HACD1: variants seen among roughly 807,000 people sequenced by gnomAD.
The protein encoded by HACD1 is 3-hydroxyacyl-CoA dehydratase 1.
Under a neutral mutation model 32.0 loss-of-function variants are expected in HACD1, and 41 were observed. The observed-to-expected ratio is 1.28, with a 90% CI of 1.00 to 1.66. The LOEUF is 1.66. Ranked by LOEUF, HACD1 falls within the 40% of genes most tolerant of loss-of-function variation. The pLI is 0.00. For missense variants in HACD1, 396 were observed against 380.1 expected (o/e 1.04, Z -0.35); for synonymous variants, 142 against 139.0 (o/e 1.02, Z -0.15).
intron 5 of HACD1, among the ~76,000 whole-genome samples, chr10:17,596,202 G>A (rs1463591875): frequency 6.6e-6 from 1 of 152,148 alleles, no homozygotes; most frequent in Non-Finnish European, 1.5e-5. Context: ...AAGGATATGC[G>A]AAGATAAGAG....
At chr10:17,598,847 A>C (rs1041948824) in intron 5 of HACD1, among the ~76,000 whole-genome samples, 10 of 152,240 alleles carry the variant, frequency 6.6e-5, no homozygotes, top group Non-Finnish European at 1.5e-5. Flanking sequence ...GACTTTTAAA[A>C]ATGTCTCTGC....
At chr10:17,602,149 A>T (rs1450914026) in intron 4 of HACD1, among the ~76,000 whole-genome samples, 1 of 148,390 alleles carries the variant, frequency 6.7e-6, no homozygotes, top group Non-Finnish European at 1.5e-5. Flanking sequence ...AGCTCACTGC[A>T]CCCTCCACCT....
intron 1 of HACD1, among the ~76,000 whole-genome samples, chr10:17,609,400 G>C (rs910049240): frequency 2.0e-5 from 3 of 151,946 alleles, no homozygotes; most frequent in Non-Finnish European, 4.4e-5. Context: ...TGATCCACTC[G>C]CCTCGCCCTC....
At chr10:17,593,832 A>C (rs906825845) in intron 6 of HACD1, among the ~76,000 whole-genome samples, 3 of 152,236 alleles carry the variant, frequency 2.0e-5, no homozygotes, top group Non-Finnish European at 4.4e-5. Flanking sequence ...AAATGATCTG[A>C]AATTTTCTTG....
chr10:17,596,090 AT>A (rs1406113444), intron 5 of HACD1, among the ~76,000 whole-genome samples: 2 of 152,232 alleles, frequency 1.3e-5, no homozygotes, highest in African/African-American at 4.8e-5. Flanking sequence ...ATTTTATTTA[AT>A]CATTTTGTTG....
intron 6 of HACD1, among the ~76,000 whole-genome samples, chr10:17,591,707 C>T (rs1833930012): frequency 6.6e-6 from 1 of 152,168 alleles, no homozygotes; most frequent in Non-Finnish European, 1.5e-5. Context: ...ATATGATGAT[C>T]AGAATAATCA....
intron 5 of HACD1, among the ~76,000 whole-genome samples, chr10:17,594,946 C>T (rs1267379277): frequency 2.0e-5 from 3 of 151,918 alleles, no homozygotes; most frequent in African/African-American, 7.3e-5. Context: ...GCAACCTCCA[C>T]CTCCCGGGTT....
intron 1 of HACD1, among the ~76,000 whole-genome samples, chr10:17,608,357 A>G (rs1286269890): frequency 3.9e-5 from 6 of 152,074 alleles, no homozygotes; most frequent in African/African-American, 1.4e-4. Flanking sequence ...GCTAGCAGTT[A>G]CTGATGATCA....
chr10:17,617,252 A>G lies in HACD1; in HGVS notation c.88T>C (p.Ser30Pro). ...AGSPPTLLPL[S>P]PTSPRCAATM... ...GCCGCGCACCTGGGGGACGTGGGAG[A>G]CAGCGGCAGGAGCGTGGGAGGGGAC... Residue 30 changes from serine (S) to proline (P), a missense_variant, in exon 1 of 7, where the codon TCT becomes CCT. By Grantham distance (74) the Ser-to-Pro change is moderately conservative (BLOSUM62 -1). Coordinates refer to ENST00000361271, the MANE Select transcript of HACD1 (RefSeq NM_014241.4). 6.8e-7 allele frequency: 1 copy of G among 1,479,364 alleles called. No homozygotes were observed. Among genetic ancestry groups the G allele is most frequent in the Non-Finnish European group, 8.9e-7 (1 of 1,120,618 alleles). 91.6% of individuals were successfully genotyped at this position (1,479,364 alleles called of 1,614,324 possible). A position where few individuals can be genotyped will look rare whatever the true frequency, so the allele number is the denominator to read the frequency against.
intron 5 of HACD1, among the ~76,000 whole-genome samples, chr10:17,597,892 G>A (rs781563961): frequency 2.0e-4 from 31 of 152,072 alleles, no homozygotes; most frequent in Non-Finnish European, 4.3e-4. Context: ...TAATTTCAAA[G>A]TATCTCATCA....
intron 6 of HACD1, among the ~76,000 whole-genome samples, chr10:17,592,574 T>TAC (rs782430542): frequency 1.6e-4 from 24 of 152,198 alleles, no homozygotes; most frequent in Middle Eastern, 3.4e-3. Flanking sequence ...GGCCAGAGTC[T>TAC]ACATCTCCCA....
chr10:17,615,915 C>T (rs781877449), intron 1 of HACD1: 2 of 407,240 alleles, frequency 4.9e-6, no homozygotes, highest in African/African-American at 2.1e-5. Context: ...TGGCAGTGAG[C>T]GGAGATCGCG....
chr10:17,600,807 C>T (rs17141401), intron 4 of HACD1, among the ~76,000 whole-genome samples: 27,661 of 152,098 alleles, frequency 0.18, 2,998 homozygotes, highest in East Asian at 0.41. Flanking sequence ...CAACGCATAC[C>T]GAGCTCTTGC....
At chr10:17,593,321 C>CTTTT (rs11372990) in intron 6 of HACD1, among the ~76,000 whole-genome samples, 7 of 148,690 alleles carry the variant, frequency 4.7e-5, no homozygotes, top group Admixed American at 6.7e-5. Flanking sequence ...GCCCCCACGC[C>CTTTT]TTTTTTTTTT....
intron 5 of HACD1, among the ~76,000 whole-genome samples, chr10:17,595,612 C>T (rs781875896): frequency 6.6e-6 from 1 of 152,048 alleles, no homozygotes; most frequent in African/African-American, 2.4e-5. Flanking sequence ...GTAGGCCAGG[C>T]ATCCTGTATG....
intron 1 of HACD1, among the ~76,000 whole-genome samples, chr10:17,605,490 A>G (rs1834133114): frequency 6.6e-6 from 1 of 151,212 alleles, no homozygotes; most frequent in Non-Finnish European, 1.5e-5. Flanking sequence ...ACGCCACTGC[A>G]TTCCAGCCTG....
rs140157984 is a variant in HACD1, at chr10:17,603,598, T to C, written c.445A>G (p.Ile149Val). 1 of 1,613,580 alleles carries C rather than the reference T, an allele frequency of 6.2e-7. No individual in the cohort carries two copies. The highest frequency in any genetic ancestry group is 1.3e-5 in the African/African-American group (1 of 75,028). ...TGAGTAATGAGCCACACCATAAAGA[T>C]TCTTGAACTCACTTGGACCCCAGTC... ...IVTGVQVSSRIFMVWLITHSI... is the reference protein window; with the variant it reads ...IVTGVQVSSRVFMVWLITHSI... The change falls in exon 4 of 7, where the codon ATC becomes GTC. Residue 149 changes from isoleucine (I) to valine (V), a missense_variant. Coordinates refer to ENST00000361271, the MANE Select transcript of HACD1 (RefSeq NM_014241.4).
At chr10:17,592,544 G>A (rs1833942469) in intron 6 of HACD1, among the ~76,000 whole-genome samples, 1 of 152,058 alleles carries the variant, frequency 6.6e-6, no homozygotes, top group African/African-American at 2.4e-5. Context: ...ATGGTGAACT[G>A]GGAAGCTGCT....
In HACD1 at chr10:17,589,448, A is replaced by G. The variant is rs566484456; in HGVS notation, c.*916T>C. ...CAGGCATGTGTCACCATGCCTGGTT[A>G]ATTTTTTTTGTTTGTAATTTTTTTA... On this transcript the variant is annotated 3_prime_UTR_variant, in exon 7 of 7. Transcript: ENST00000361271. The G allele has an allele frequency of 6.6e-6, 1 of 151,938 alleles. No individual in the cohort carries two copies. Among genetic ancestry groups the G allele is most frequent in the African/African-American group, 2.4e-5 (1 of 41,352 alleles). 9.4% of individuals were successfully genotyped at this position (151,938 alleles called of 1,614,324 possible).
Sources: allele counts gnomAD v4.1 joint callset (sites outside exome capture counted in the v4.1 genomes callset), GRCh38; gene constraint gnomAD v4.1.1; transcripts MANE v1.5; gene names NCBI Gene and HGNC (gene_info 2026-07-23, HGNC 2026-07-21).